Variants in HERC6 observed in about 807,000 individuals in gnomAD.
The protein encoded by HERC6 is probable E3 ubiquitin-protein ligase HERC6.
A neutral mutation model predicts 114.5 loss-of-function variants in HERC6; 101 were observed. That is an observed-to-expected ratio of 0.88 (90% CI 0.75 to 1.04). The LOEUF is 1.04. Among genes scored for constraint, HERC6 ranks in the 50% least tolerant of loss-of-function variants. The pLI is 0.00. For missense variants in HERC6, 1,133 were observed against 1,230.9 expected, an observed-to-expected ratio of 0.92 and a Z score of 1.19; for synonymous variants, 408 against 436.2, an observed-to-expected ratio of 0.94 and a Z score of 0.81.
chr4:88,383,110 G>A, intron 1 of HERC6, 111 bp from the exon 2 acceptor site: 1 of 1,373,976 alleles, frequency 7.3e-7, no homozygotes, highest in Non-Finnish European at 9.9e-7. Context: ...CATTGGAGGA[G>A]ACAAGAAATC....
chr4:88,394,707 G>T (rs1193696624), intron 5 of HERC6, among the ~76,000 whole-genome samples: 1 of 151,380 alleles, frequency 6.6e-6, no homozygotes, highest in Non-Finnish European at 1.5e-5. Context: ...ACCACGCCTG[G>T]CTAATTTTTG....
chr4:88,393,714 T>C, intron 5 of HERC6, 132 bp downstream of exon 5: 1 of 511,086 alleles, frequency 2.0e-6, no homozygotes, highest in Non-Finnish European at 3.6e-6. Flanking sequence ...ATAAAAAGAG[T>C]GGCTTATGAA....
intron 8 of HERC6, chr4:88,398,694 G>A (rs540662558): frequency 6.6e-6 from 1 of 152,356 alleles, no homozygotes; most frequent in East Asian, 1.9e-4. Context: ...GTCCTGTGTT[G>A]CAAGGGTCAC....
chr4:88,396,799 C>G, intron 6 of HERC6, 52 bp from the exon 7 acceptor site: 1 of 1,426,770 alleles, frequency 7.0e-7, no homozygotes, highest in Non-Finnish European at 9.3e-7. Context: ...TCATCTTTCT[C>G]AAAAGCCATG....
chr4:88,387,426 G>A (rs913255273), intron 3 of HERC6, among the ~76,000 whole-genome samples: 2 of 152,150 alleles, frequency 1.3e-5, no homozygotes, highest in African/African-American at 4.8e-5. Flanking sequence ...AACAGGAGCA[G>A]GGTATGATTT....
At chr4:88,409,247 G>A (rs934869271) in intron 11 of HERC6, among the ~76,000 whole-genome samples, 2 of 152,000 alleles carry the variant, frequency 1.3e-5, no homozygotes, top group East Asian at 3.9e-4. Context: ...TTCAGTTTTG[G>A]GGACAGACTA....
chr4:88,380,876 A>G (rs1395698630), intron 1 of HERC6, among the ~76,000 whole-genome samples: 1 of 151,952 alleles, frequency 6.6e-6, no homozygotes, highest in Non-Finnish European at 1.5e-5. Flanking sequence ...ACTTTTTTCT[A>G]TGTACATATT....
chr4:88,409,839 A>T (rs886792768), intron 11 of HERC6, among the ~76,000 whole-genome samples: 4 of 152,128 alleles, frequency 2.6e-5, no homozygotes, highest in African/African-American at 9.7e-5. Flanking sequence ...CTCAGGTTTG[A>T]GCTGGTGGAT....
Position 88,442,952 on chromosome 4 carries a change from C to G in HERC6, c.*492C>G, listed in dbSNP as rs558936091. 5.4e-5 allele frequency: 9 copies of G among 166,098 alleles called. No homozygotes were observed. The South Asian group carries it at 1.4e-3, about 26-fold the overall frequency. The allele number at this position is 166,098 out of a possible 1,614,324, so 10.3% of individuals were successfully genotyped here. On this transcript the variant is annotated 3_prime_UTR_variant, in exon 23 of 23. Transcript: ENST00000264346. ...ACATAGGGTGTAACCATCAAGAAACCTCTACAGGGTACTTAAGCCCCAGAA... is the reference window on the plus strand; with the variant it reads ...ACATAGGGTGTAACCATCAAGAAACGTCTACAGGGTACTTAAGCCCCAGAA...
At chr4:88,436,850 T>A in intron 18 of HERC6, 55 bp from the exon 19 acceptor site, 1 of 1,227,292 alleles carries the variant, frequency 8.1e-7, no homozygotes. Context: ...GAAAATTACT[T>A]GTGAAACTTT....
intron 6 of HERC6, among the ~76,000 whole-genome samples, chr4:88,396,648 T>C (rs1003929370): frequency 5.3e-5 from 8 of 152,208 alleles, no homozygotes; most frequent in African/African-American, 1.7e-4. Context: ...TTTTTAAGAT[T>C]AGTAGTAAGT....
chr4:88,390,774 G>C lies in HERC6; in HGVS notation c.559G>C (p.Ala187Pro). 5.0e-6 allele frequency: 8 copies of C among 1,614,220 alleles called. No individual in the cohort carries two copies. The highest frequency in any genetic ancestry group is 6.8e-6 in the Non-Finnish European group (8 of 1,180,042). ...SLEGIPLAQV[A>P]AGGAHSFALS... is the part of the protein sequence containing the mutation. ...GGAGGGGATCCCACTGGCTCAGGTG[G>C]CTGCCGGAGGGGCTCACAGCTTTGC... is the stretch of plus-strand genomic sequence containing the variant. The change falls in exon 4 of 23, where the codon GCT (alanine) becomes CCT (proline). Residue 187 changes from alanine (A) to proline (P), a missense_variant. Coordinates refer to ENST00000264346, the MANE Select transcript of HERC6 (RefSeq NM_017912.4).
At chr4:88,425,202 C>T (rs1737477373) in intron 15 of HERC6, among the ~76,000 whole-genome samples, 4 of 152,060 alleles carry the variant, frequency 2.6e-5, no homozygotes, top group Admixed American at 2.6e-4. Flanking sequence ...AATTCCTATC[C>T]CTTTAATTAT....
chr4:88,385,549 A>G lies in HERC6; in HGVS notation c.410A>G (p.His137Arg). Reference protein sequence around the residue: ...DIKIIQVSCGHYHSLALSKDS... With the variant: ...DIKIIQVSCGRYHSLALSKDS... ...AAAATAATACAAGTTTCCTGTGGAC[A>G]CTACCACTCCCTGGCATTATCAAAA... The change falls in exon 3 of 23, where the codon CAC (histidine) becomes CGC (arginine). Residue 137 changes from histidine (H) to arginine (R), a missense_variant. Coordinates refer to ENST00000264346, the MANE Select transcript of HERC6 (RefSeq NM_017912.4). 8 of 1,507,304 alleles carry G rather than the reference A, an allele frequency of 5.3e-6. No individual in the cohort carries two copies. The highest frequency in any genetic ancestry group is 7.1e-6 in the Non-Finnish European group (8 of 1,122,372). The allele number at this position is 1,507,304 out of a possible 1,614,324, so 93.4% of individuals were successfully genotyped here.
rs189542522 is a variant in HERC6 at position 88,380,431 on chromosome 4, A to G, written c.199+1311A>G. On this transcript the variant is annotated intron_variant, in intron 1 of 22. Transcript: ENST00000264346. ...AATATATAAATATATATATATACAC[A>G]TAATAGGCCGGACGCGGTGGCTTAC... 7.7e-3 allele frequency among the ~76,000 whole-genome samples: 906 copies of G among 118,100 alleles called. 12 individuals are homozygous for G. Among genetic ancestry groups the G allele is most frequent in the African/African-American group, 0.029 (873 of 30,456 alleles). 77.5% of individuals were successfully genotyped at this position (118,100 alleles called of 152,430 possible).
chr4:88,383,700 T>C (rs989638848), intron 2 of HERC6, among the ~76,000 whole-genome samples: 2 of 132,726 alleles, frequency 1.5e-5, no homozygotes, highest in Admixed American at 1.8e-4. Context: ...GAGGCAGAGG[T>C]TGCAGTGGTG....
chr4:88,413,045 G>C (rs1736212179), intron 11 of HERC6, 32 bp from the exon 12 acceptor site: 1 of 1,511,992 alleles, frequency 6.6e-7, no homozygotes, highest in African/African-American at 1.4e-5. Context: ...AATATATCCT[G>C]GGTCTGTTCC....
intron 10 of HERC6, among the ~76,000 whole-genome samples, chr4:88,407,647 G>C (rs1270495458): frequency 6.6e-6 from 1 of 151,904 alleles, no homozygotes; most frequent in East Asian, 1.9e-4. Flanking sequence ...CTGGCTTCAA[G>C]CAATGCTCCC....
chr4:88,379,742 A>ATATATAAATATATAT (rs1734081979), intron 1 of HERC6, among the ~76,000 whole-genome samples: 1 of 61,236 alleles, frequency 1.6e-5, no homozygotes, highest in African/African-American at 8.3e-5. Flanking sequence ...TAAATATATA[A>ATATATAAATATATAT]ATATATAACA....
Sources: gnomAD v4.1 joint callset for allele counts (sites outside exome capture counted in the v4.1 genomes callset) on GRCh38, gnomAD v4.1.1 for gene constraint, MANE v1.5 for transcripts, NCBI Gene and HGNC (gene_info 2026-07-23, HGNC 2026-07-21) for gene names.